Variants in XYLT1 observed in about 807,000 individuals in gnomAD.
XYLT1 encodes the protein beta-D-xylosyltransferase 1.
Under a neutral mutation model 91.3 loss-of-function variants are expected in XYLT1, and 36 were observed. That is an observed-to-expected ratio of 0.39 (90% CI 0.30 to 0.52). The LOEUF (loss-of-function observed/expected upper bound fraction) is 0.52. XYLT1 is among the 20% of genes least tolerant of loss of function. The probability of loss-of-function intolerance (pLI) is 0.68; values close to 1 mark genes in which losing one functional copy is unlikely to be tolerated. For missense variants in XYLT1, 1,242 were observed against 1,284.5 expected (o/e 0.97, Z 0.51); for synonymous variants, 588 against 532.0 (o/e 1.11, Z -1.45).
intron 1 of XYLT1, among the ~76,000 whole-genome samples, chr16:17,459,698 A>G (rs1277513150): frequency 6.6e-6 from 1 of 152,082 alleles, no homozygotes; most frequent in East Asian, 1.9e-4. Flanking sequence ...ATTTTTTGCA[A>G]TGTTCTTGTT....
At chr16:17,441,655 A>AT (rs969889030) in intron 1 of XYLT1, among the ~76,000 whole-genome samples, 8 of 152,160 alleles carry the variant, frequency 5.3e-5, no homozygotes, top group African/African-American at 1.9e-4. Context: ...TTCTTGGATG[A>AT]TTTTTTTAAA....
At position 17,232,824 on chromosome 16, in the gene XYLT1, C is replaced by T. The variant is rs138506152; in HGVS notation, c.913+26164G>A. ...ATGGTGTTGGTGATAATGTTGGCAGCGGTGGTGATGGTGGTATTGTACTCT... is the reference window on the plus strand; with the variant it reads ...ATGGTGTTGGTGATAATGTTGGCAGTGGTGGTGATGGTGGTATTGTACTCT... On this transcript the variant is annotated intron_variant, in intron 3 of 11. Coordinates refer to ENST00000261381, the MANE Select transcript of XYLT1 (RefSeq NM_022166.4). Among the ~76,000 whole-genome samples, 338 of 151,942 alleles carry T rather than the reference C, an allele frequency of 2.2e-3. 2 individuals are homozygous for T. Among genetic ancestry groups the T allele is most frequent in the African/African-American group, 7.9e-3 (326 of 41,450 alleles).
intron 3 of XYLT1, among the ~76,000 whole-genome samples, chr16:17,209,220 T>C (rs1267044863): frequency 6.6e-6 from 1 of 152,236 alleles, no homozygotes; most frequent in Non-Finnish European, 1.5e-5. Flanking sequence ...TCTATGAATT[T>C]GATAAGGAAC....
Position 17,134,946 on chromosome 16 carries a change from A to ATGAT in XYLT1, c.1765-215_1765-212dup, listed in dbSNP as rs10623546. 0.34 allele frequency among the ~76,000 whole-genome samples: 52,343 copies of ATGAT among 151,868 alleles called. 10,853 individuals are homozygous for ATGAT. The highest frequency in any genetic ancestry group is 0.48 in the Non-Finnish European group (32,287 of 67,882). On this transcript the variant is annotated intron_variant, in intron 8 of 11. Transcript: ENST00000261381. Reference sequence around the variant, plus strand: ...TAATCTGTGCAGAACATCTAAAGCAATGATAGGCACTTAGTAAGCATCATT... The same window carrying ATGAT: ...TAATCTGTGCAGAACATCTAAAGCAATGATTGATAGGCACTTAGTAAGCATCATT...
chr16:17,108,632 C>T lies in XYLT1; in HGVS notation c.*63G>A, dbSNP rs1966810815. 44 of 1,479,822 alleles carry T rather than the reference C, an allele frequency of 3.0e-5. No individual in the cohort carries two copies. Among genetic ancestry groups the T allele is most frequent in the South Asian group, 9.7e-5 (7 of 71,848 alleles). 91.7% of individuals were successfully genotyped at this position (1,479,822 alleles called of 1,614,324 possible). On this transcript the variant is annotated 3_prime_UTR_variant, in exon 12 of 12. Coordinates refer to ENST00000261381, the MANE Select transcript of XYLT1 (RefSeq NM_022166.4). ...AGGGTGGGAGGCCGGGGTTCAGGCC[C>T]CACAACCCCTCTGGCTGCTTTCCCG...
At chr16:17,133,276 C>T (rs1471068322) in intron 9 of XYLT1, among the ~76,000 whole-genome samples, 1 of 151,972 alleles carries the variant, frequency 6.6e-6, no homozygotes, top group Non-Finnish European at 1.5e-5. Context: ...TTCTTCCCCC[C>T]AGCCCCGTCA....
intron 6 of XYLT1, among the ~76,000 whole-genome samples, chr16:17,150,965 A>G (rs1419855366): frequency 6.6e-6 from 1 of 152,158 alleles, no homozygotes; most frequent in African/African-American, 2.4e-5. Flanking sequence ...TGTGGCTGCC[A>G]AAGGAAGCTA....
rs994657667 is a variant in XYLT1, at chr16:17,342,548, C to A, written c.402+15464G>T. Among the ~76,000 whole-genome samples, 4 of 152,070 alleles carry A rather than the reference C, an allele frequency of 2.6e-5. No homozygotes were observed. In the South Asian group the frequency reaches 8.3e-4, roughly 32 times the overall value. Reference sequence around the variant, plus strand: ...ACCAGCCGGGCCAACATGGTGAAACCCCATCTCTACTAAAAGTACAAAAAT... The same window carrying A: ...ACCAGCCGGGCCAACATGGTGAAACACCATCTCTACTAAAAGTACAAAAAT... On this transcript the variant is annotated intron_variant, in intron 2 of 11. Transcript: ENST00000261381.
At chr16:17,297,827 C>G (rs2034335105) in intron 2 of XYLT1, among the ~76,000 whole-genome samples, 1 of 152,098 alleles carries the variant, frequency 6.6e-6, no homozygotes, top group African/African-American at 2.4e-5. Flanking sequence ...CGAGACCATC[C>G]TGGCTAACAC....
intron 9 of XYLT1, among the ~76,000 whole-genome samples, chr16:17,133,809 T>C (rs2030595002): frequency 6.6e-6 from 1 of 152,184 alleles, no homozygotes; most frequent in Non-Finnish European, 1.5e-5. Flanking sequence ...GTGTTGGCAG[T>C]TAGTGGTAGA....
intron 1 of XYLT1, among the ~76,000 whole-genome samples, chr16:17,404,793 A>C (rs542179343): frequency 1.4e-4 from 21 of 152,342 alleles, no homozygotes; most frequent in African/African-American, 4.6e-4. Context: ...TTAAAAAGAA[A>C]AACATTCAGA....
rs559682220 is a variant in XYLT1 at position 17,389,407 on chromosome 16, C to T, written c.364-31357G>A. Among the ~76,000 whole-genome samples the T allele has an allele frequency of 4.7e-4, 72 of 152,260 alleles. 2 individuals are homozygous for T. In the South Asian group the frequency reaches 0.013, roughly 29 times the overall value. On this transcript the variant is annotated intron_variant, in intron 1 of 11. Coordinates refer to ENST00000261381, the MANE Select transcript of XYLT1 (RefSeq NM_022166.4). The stretch of plus-strand genomic sequence containing the variant: ...ACTACAGGTACACGCCACCACACCT[C>T]GCTACTATTTTTGTTTAATTATGGT...
chr16:17,348,645 T>C (rs574780136), intron 2 of XYLT1, among the ~76,000 whole-genome samples: 2 of 152,266 alleles, frequency 1.3e-5, no homozygotes, highest in African/African-American at 2.4e-5. Flanking sequence ...AAACATGCAA[T>C]CACCCCTCCA....
At position 17,208,959 on chromosome 16, in the gene XYLT1, G is replaced by A. The variant is rs913223388; in HGVS notation, c.914-8305C>T. Among the ~76,000 whole-genome samples the A allele has an allele frequency of 5.3e-5, 8 of 152,184 alleles. No homozygotes were observed. In the East Asian group the frequency reaches 5.8e-4, roughly 11 times the overall value. ...CCAGGCTGGTCTCAAACTCTTGACT[G>A]CAGGTGATCAGCCCACCTTGGCCTC... is the stretch of plus-strand genomic sequence containing the variant. On this transcript the variant is annotated intron_variant, in intron 3 of 11. Coordinates refer to ENST00000261381, the MANE Select transcript of XYLT1 (RefSeq NM_022166.4).
intron 1 of XYLT1, among the ~76,000 whole-genome samples, chr16:17,369,233 G>A (rs536976799): frequency 4.2e-4 from 64 of 151,120 alleles, no homozygotes; most frequent in South Asian, 3.6e-3. Context: ...GGGTTCAAGC[G>A]ATTCTCCTGC....
intron 1 of XYLT1, among the ~76,000 whole-genome samples, chr16:17,437,537 C>T (rs2036475461): frequency 6.6e-6 from 1 of 152,180 alleles, no homozygotes; most frequent in Admixed American, 6.5e-5. Flanking sequence ...GCTTGGAATG[C>T]ACTTGTATCT....
chr16:17,152,928 A>T (rs1404743358), intron 6 of XYLT1, among the ~76,000 whole-genome samples: 1 of 152,210 alleles, frequency 6.6e-6, no homozygotes. Context: ...ATTGTTGTCG[A>T]TACATATAAG....
At chr16:17,309,539 A>G (rs958706002) in intron 2 of XYLT1, among the ~76,000 whole-genome samples, 14 of 152,260 alleles carry the variant, frequency 9.2e-5, no homozygotes, top group African/African-American at 3.4e-4. Flanking sequence ...GACATGCATC[A>G]GCTTGGTTTC....
intron 5 of XYLT1, 122 bp from the exon 6 acceptor site, chr16:17,159,031 C>A (rs2031485612): frequency 4.9e-6 from 4 of 815,062 alleles, no homozygotes; most frequent in South Asian, 3.0e-5. Context: ...CATTTGCACA[C>A]AGGCTGATAA....
Sources: gnomAD v4.1 joint callset for allele counts (sites outside exome capture counted in the v4.1 genomes callset) on GRCh38, gnomAD v4.1.1 for gene constraint, MANE v1.5 for transcripts, NCBI Gene and HGNC (gene_info 2026-07-23, HGNC 2026-07-21) for gene names.